The following SLC6A17 variants were observed in gnomAD, a reference collection of about 807,000 sequenced individuals.
SLC6A17 encodes the protein sodium-dependent neutral amino acid transporter SLC6A17.
A neutral mutation model predicts 64.5 loss-of-function variants in SLC6A17; 21 were observed. That is an observed-to-expected ratio of 0.33 (90% CI 0.23 to 0.47). SLC6A17 has a LOEUF of 0.47. Among genes scored for constraint, SLC6A17 ranks in the 20% least tolerant of loss-of-function variants. The pLI is 1.00. For missense variants in SLC6A17, 682 were observed against 963.2 expected (o/e 0.71, Z 3.86); for synonymous variants, 372 against 399.5 (o/e 0.93, Z 0.82).
In SLC6A17 at chr1:110,172,172, C is replaced by T. The variant is rs1463151076; in HGVS notation, c.399C>T (p.His133=). 6.2e-7 allele frequency: 1 copy of T among 1,610,338 alleles called. No individual in the cohort carries two copies. Among genetic ancestry groups the T allele is most frequent in the Non-Finnish European group, 8.5e-7 (1 of 1,178,454 alleles). Residue 133 remains histidine (H), a synonymous_variant, in exon 3 of 12, where the codon CAC becomes CAT. Transcript: ENST00000331565. ...GCCGCGGCAGCATCGGTGTGTGGCA[C>T]TATATATGTCCCCGCCTGGGGGGCA... ...RIRRGSIGVW[H]YICPRLGGIG...
In SLC6A17 at chr1:110,166,904, A is replaced by T. The variant is rs376707567; in HGVS notation, c.-26A>T. The T allele has an allele frequency of 6.3e-6, 10 of 1,577,752 alleles. No homozygotes were observed. The African/African-American group carries it at 1.3e-4, about 21-fold the overall frequency. ...CCATCTTCTCTGTGTGCTGGGGAGC[A>T]GGGCTACACGGCCCAGGTGGCATCA... On this transcript the variant is annotated 5_prime_UTR_variant, in exon 2 of 12. Transcript: ENST00000331565.
chr1:110,183,133 A>T (rs1313215318), intron 6 of SLC6A17, among the ~76,000 whole-genome samples: 2 of 152,248 alleles, frequency 1.3e-5, no homozygotes, highest in African/African-American at 4.8e-5. Flanking sequence ...CATATCCAAG[A>T]GAACTGAAAG....
chr1:110,179,605 G>A (rs976272939), intron 6 of SLC6A17, among the ~76,000 whole-genome samples: 12 of 130,462 alleles, frequency 9.2e-5, no homozygotes, highest in African/African-American at 3.2e-4. Flanking sequence ...CCAGTCTGAA[G>A]TGCAATGGCA....
At chr1:110,161,354 T>G (rs1204876943) in intron 1 of SLC6A17, among the ~76,000 whole-genome samples, 1 of 152,134 alleles carries the variant, frequency 6.6e-6, no homozygotes, top group Non-Finnish European at 1.5e-5. Context: ...CTGAGTTAGA[T>G]GTTGGCTTTG....
In SLC6A17 at chr1:110,197,317, T is replaced by C. The variant is rs150381170; in HGVS notation, c.1653-120T>C. 6,467 of 1,332,838 alleles carry C rather than the reference T, an allele frequency of 4.9e-3. 30 individuals carry two copies. Among genetic ancestry groups the C allele is most frequent in the Middle Eastern group, 0.013 (61 of 4,650 alleles). 82.6% of individuals were successfully genotyped at this position (1,332,838 alleles called of 1,614,324 possible). A position where few individuals can be genotyped will look rare whatever the true frequency, so the allele number is the denominator to read the frequency against. On this transcript the variant is annotated intron_variant, in intron 10 of 11. Coordinates refer to ENST00000331565, the MANE Select transcript of SLC6A17 (RefSeq NM_001010898.4). ...CACAATGAGCACTGAATGTGAAGAA[T>C]AGAAGAGCCCAGGAGGGAGGGACTG...
chr1:110,157,061 C>T (rs1655778897), intron 1 of SLC6A17, among the ~76,000 whole-genome samples: 1 of 152,218 alleles, frequency 6.6e-6, no homozygotes, highest in Non-Finnish European at 1.5e-5. Flanking sequence ...TTTATTTGCA[C>T]ATCTGGTTTG....
chr1:110,172,991 C>CT (rs1389157336), intron 3 of SLC6A17, among the ~76,000 whole-genome samples: 2 of 152,280 alleles, frequency 1.3e-5, no homozygotes, highest in Non-Finnish European at 2.9e-5. Context: ...CCAGCCCAAA[C>CT]TTGCCTCAGG....
At chr1:110,156,431 G>A (rs894198590) in intron 1 of SLC6A17, among the ~76,000 whole-genome samples, 1 of 152,156 alleles carries the variant, frequency 6.6e-6, no homozygotes, top group Non-Finnish European at 1.5e-5. Flanking sequence ...CTAGCATGGT[G>A]GCGCCTCCTC....
intron 1 of SLC6A17, among the ~76,000 whole-genome samples, chr1:110,159,335 G>C (rs530866998): frequency 1.3e-5 from 2 of 152,188 alleles, no homozygotes; most frequent in Admixed American, 1.3e-4. Flanking sequence ...TCCCACGTGA[G>C]ATGGTAAAAT....
At chr1:110,181,908 T>C (rs930519219) in intron 6 of SLC6A17, among the ~76,000 whole-genome samples, 1 of 152,140 alleles carries the variant, frequency 6.6e-6, no homozygotes, top group Non-Finnish European at 1.5e-5. Context: ...AGCCGGATCA[T>C]GAGGGTCCTG....
chr1:110,166,944 CA>C lies in SLC6A17; in HGVS notation c.18del (p.Val7Ter). 6.2e-7 allele frequency: 1 copy of C among 1,609,328 alleles called. No individual in the cohort carries two copies. The highest frequency in any genetic ancestry group is 8.5e-7 in the Non-Finnish European group (1 of 1,176,336). Reference sequence around the variant, plus strand: ...AGGTGGCATCAATGCCGAAGAACAGCAAAGTGACCCAGCGTGAGCACAGCAG... The same window carrying C: ...AGGTGGCATCAATGCCGAAGAACAGCAAGTGACCCAGCGTGAGCACAGCAG... MPKNSKVTQREHSSEH... is the reference protein window; with the variant it reads MPKNSXVTQREHSSEH... On this transcript the variant is annotated frameshift_variant, in exon 2 of 12. Transcript: ENST00000331565. LOFTEE classifies it high-confidence loss of function.
At chr1:110,176,877 T>A in intron 6 of SLC6A17, 138 bp downstream of exon 6, 2 of 749,476 alleles carry the variant, frequency 2.7e-6, no homozygotes, top group Non-Finnish European at 4.3e-6. Context: ...CCTGGAGAGA[T>A]GCACAGGGAA....
chr1:110,183,839 TTGTC>T lies in SLC6A17; in HGVS notation c.864+7103_864+7106del, dbSNP rs575923162. Among the ~76,000 whole-genome samples, 612 of 152,050 alleles carry T rather than the reference TTGTC, an allele frequency of 4.0e-3. 3 individuals carry two copies. The highest frequency in any genetic ancestry group is 0.013 in the African/African-American group (542 of 41,432). The stretch of plus-strand genomic sequence containing the variant: ...CGCAGTGAAGTAGGAGACAAGGTGA[TTGTC>T]TGAGAGCAGGAAGGGAGGAGGAGGA... On this transcript the variant is annotated intron_variant, in intron 6 of 11. Transcript: ENST00000331565.
rs534601420 is a variant in SLC6A17, at chr1:110,166,995, C to T, written c.66C>T (p.Ala22=). The change falls in exon 2 of 12, where the codon GCC becomes GCT. Residue 22 remains alanine, a synonymous_variant. Transcript: ENST00000331565. ...HSSEHVTESV[A]DLLALEEPVD... ...GTGAGCATGTCACTGAGTCCGTGGCCGACCTGCTGGCCCTCGAGGAGCCTG... is the reference window on the plus strand; with the variant it reads ...GTGAGCATGTCACTGAGTCCGTGGCTGACCTGCTGGCCCTCGAGGAGCCTG... 25 of 1,613,666 alleles carry T rather than the reference C, an allele frequency of 1.5e-5. No homozygotes were observed. The South Asian group carries it at 2.1e-4, about 13-fold the overall frequency.
Position 110,192,769 on chromosome 1 carries a change from G to A in SLC6A17, c.1299+71G>A. On this transcript the variant is annotated intron_variant, in intron 8 of 11. Transcript: ENST00000331565. The surrounding 1 kb of genome is among the most constrained non-coding windows in gnomAD (Gnocchi z 4.3). ...AGCAGCTGTGGCCGGCGGGAGCTTG[G>A]GCTCAGGCCTCAGGATGCTGACAGG... 1.3e-6 allele frequency: 2 copies of A among 1,504,094 alleles called. No homozygotes were observed. Among genetic ancestry groups the A allele is most frequent in the Non-Finnish European group, 1.8e-6 (2 of 1,114,698 alleles). 93.2% of individuals were successfully genotyped at this position (1,504,094 alleles called of 1,614,324 possible).
intron 1 of SLC6A17, chr1:110,166,065 A>G (rs1207431439): frequency 1.3e-5 from 2 of 152,228 alleles, no homozygotes. Flanking sequence ...TATCTGCTGT[A>G]AAACTGTCGC....
chr1:110,196,322 C>A (rs1363365008), intron 10 of SLC6A17, among the ~76,000 whole-genome samples: 1 of 152,196 alleles, frequency 6.6e-6, no homozygotes, highest in Non-Finnish European at 1.5e-5. Context: ...CTCTGACTCA[C>A]TCAGCATCGA....
At chr1:110,173,892 C>CGAGAAGTTCG in intron 3 of SLC6A17, 81 bp from the exon 4 acceptor site, 2 of 1,552,178 alleles carry the variant, frequency 1.3e-6, no homozygotes, top group Non-Finnish European at 1.7e-6. Context: ...GCGCTGCCGA[C>CGAGAAGTTCG]GTGCTGGGCC....
At chr1:110,173,445 T>A (rs1656293465) in intron 3 of SLC6A17, among the ~76,000 whole-genome samples, 1 of 152,222 alleles carries the variant, frequency 6.6e-6, no homozygotes, top group African/African-American at 2.4e-5. Context: ...TCTACCAATG[T>A]TAGTTATTGT....
Sources: allele counts gnomAD v4.1 joint callset (sites outside exome capture counted in the v4.1 genomes callset), GRCh38; gene constraint gnomAD v4.1.1; non-coding constraint Gnocchi (gnomAD v3.1); transcripts MANE v1.5; gene names NCBI Gene and HGNC (gene_info 2026-07-23, HGNC 2026-07-21).